CACNB4: variants seen among roughly 807,000 people sequenced by gnomAD.
CACNB4 encodes the protein voltage-dependent L-type calcium channel subunit beta-4.
A neutral mutation model predicts 71.2 loss-of-function variants in CACNB4; 32 were observed. That is an observed-to-expected ratio of 0.45 (90% CI 0.34 to 0.60). The LOEUF (loss-of-function observed/expected upper bound fraction) is 0.60, where lower values mean the gene tolerates loss of function less well. Among genes scored for constraint, CACNB4 ranks in the 20% least tolerant of loss-of-function variants. The pLI is 0.01. For synonymous variants in CACNB4, 231 were observed against 236.9 expected (o/e 0.97, Z 0.23); for missense variants, 464 against 647.9 (o/e 0.72, Z 3.08).
intron 2 of CACNB4, among the ~76,000 whole-genome samples, chr2:152,038,505 C>T (rs1338553468): frequency 1.3e-5 from 2 of 152,196 alleles, no homozygotes; most frequent in Non-Finnish European, 1.5e-5. Context: ...ACCTCAGCAC[C>T]GAGTCTGGCT....
At chr2:151,967,943 G>C (rs2099871585) in intron 2 of CACNB4, 1 of 152,134 alleles carries the variant, frequency 6.6e-6, no homozygotes, top group African/African-American at 2.4e-5. Flanking sequence ...TGTTATAAAA[G>C]AATATAAAAT....
intron 2 of CACNB4, among the ~76,000 whole-genome samples, chr2:151,953,462 T>C (rs57389630): frequency 0.026 from 3,937 of 152,304 alleles, 185 homozygotes; most frequent in African/African-American, 0.09. Context: ...AATCCTGGCT[T>C]GTCTTCTAGC....
At chr2:151,907,658 T>A (rs2099855145) in intron 2 of CACNB4, among the ~76,000 whole-genome samples, 1 of 152,236 alleles carries the variant, frequency 6.6e-6, no homozygotes, top group Admixed American at 6.5e-5. Flanking sequence ...GTGTGTTTTT[T>A]AAAATCAAAT....
intron 2 of CACNB4, among the ~76,000 whole-genome samples, chr2:151,931,505 A>T (rs1578849336): frequency 6.6e-6 from 1 of 152,344 alleles, no homozygotes; most frequent in African/African-American, 2.4e-5. Context: ...CAAAAGGAAC[A>T]TGGCAACATC....
At chr2:151,865,676 A>G (rs2099842897) in intron 9 of CACNB4, 1 of 152,196 alleles carries the variant, frequency 6.6e-6, no homozygotes, top group South Asian at 2.1e-4. Context: ...TTGTGTATCC[A>G]CTGTGTCGTC....
intron 2 of CACNB4, among the ~76,000 whole-genome samples, chr2:151,984,104 G>A (rs1030998333): frequency 2.0e-5 from 3 of 152,074 alleles, no homozygotes; most frequent in Non-Finnish European, 2.9e-5. Context: ...GAGCTCTATC[G>A]AATCATAATG....
chr2:151,869,323 T>G (rs1578542399), intron 8 of CACNB4, 88 bp from the exon 9 acceptor site: 3 of 762,170 alleles, frequency 3.9e-6, no homozygotes, highest in Non-Finnish European at 6.8e-6. Flanking sequence ...GAGGGAAGGG[T>G]ACTATGAGCC....
intron 2 of CACNB4, chr2:151,967,974 G>T (rs1051488192): frequency 2.6e-5 from 4 of 152,062 alleles, no homozygotes; most frequent in East Asian, 1.9e-4. Context: ...AGCAAGTATT[G>T]GTCTATTTAG....
chr2:151,894,899 G>A (rs1167530371), intron 2 of CACNB4, among the ~76,000 whole-genome samples: 2 of 151,908 alleles, frequency 1.3e-5, no homozygotes, highest in African/African-American at 2.4e-5. Context: ...ACAAAACACT[G>A]ATGAAAGAAA....
intron 10 of CACNB4, among the ~76,000 whole-genome samples, chr2:151,856,260 T>C (rs2099840293): frequency 6.6e-6 from 1 of 151,766 alleles, no homozygotes; most frequent in Non-Finnish European, 1.5e-5. Context: ...ACTTATTGGA[T>C]CATGCCCAAA....
chr2:152,012,881 C>T (rs750141885), intron 2 of CACNB4, among the ~76,000 whole-genome samples: 5 of 150,676 alleles, frequency 3.3e-5, no homozygotes, highest in South Asian at 2.3e-4. Flanking sequence ...CTGGCATTCA[C>T]GTTCACTCAG....
In CACNB4 at chr2:151,910,993, TCTC is replaced by T. The variant is rs201385681; in HGVS notation, c.148-27626_148-27624del. On this transcript the variant is annotated intron_variant, in intron 2 of 13. Transcript: ENST00000539935. ...ATTTCCTTAAGCAGTAGTTTGTAGT[TCTC>T]CTTGAAAAGGTTCTTCACATCCCTT... 9.8e-4 allele frequency among the ~76,000 whole-genome samples: 149 copies of T among 152,326 alleles called. 2 individuals carry two copies. In the East Asian group the frequency reaches 0.024, roughly 25 times the overall value.
chr2:151,924,073 CTTTT>C (rs59036016), intron 2 of CACNB4, among the ~76,000 whole-genome samples: 28 of 91,414 alleles, frequency 3.1e-4, no homozygotes, highest in Admixed American at 1.7e-4. Context: ...ATTCTGAAAT[CTTTT>C]TTTTTTTTTT....
intron 2 of CACNB4, among the ~76,000 whole-genome samples, chr2:152,002,849 A>G (rs1270006271): frequency 6.6e-6 from 1 of 152,270 alleles, no homozygotes; most frequent in Non-Finnish European, 1.5e-5. Context: ...ACATGCAATA[A>G]AGAGGTACTA....
At chr2:151,984,172 C>T (rs954404512) in intron 2 of CACNB4, among the ~76,000 whole-genome samples, 1 of 152,100 alleles carries the variant, frequency 6.6e-6, no homozygotes, top group African/African-American at 2.4e-5. Flanking sequence ...ATTGCTTGAA[C>T]ATGGAGCAAT....
intron 2 of CACNB4, among the ~76,000 whole-genome samples, chr2:151,926,503 CAG>C (rs912651704): frequency 1.3e-5 from 2 of 152,078 alleles, no homozygotes; most frequent in African/African-American, 4.8e-5. Context: ...CTATAAAAAG[CAG>C]AGTCTCTAAA....
chr2:151,987,067 C>T (rs1197003539), intron 2 of CACNB4, among the ~76,000 whole-genome samples: 1 of 152,104 alleles, frequency 6.6e-6, no homozygotes, highest in African/African-American at 2.4e-5. Flanking sequence ...CTCAACAAAT[C>T]CATTAGTGGG....
chr2:152,074,553 C>T (rs568042027), intron 2 of CACNB4, among the ~76,000 whole-genome samples: 2 of 151,726 alleles, frequency 1.3e-5, no homozygotes, highest in African/African-American at 4.8e-5. Context: ...ACCACCACAA[C>T]CGTCACCACT....
intron 2 of CACNB4, among the ~76,000 whole-genome samples, chr2:152,052,471 C>G (rs1685492558): frequency 6.6e-6 from 1 of 152,060 alleles, no homozygotes; most frequent in African/African-American, 2.4e-5. Flanking sequence ...TTTTCGTATT[C>G]TAAGTAGAGA....
Sources: allele counts gnomAD v4.1 joint callset (sites outside exome capture counted in the v4.1 genomes callset), GRCh38; gene constraint gnomAD v4.1.1; transcripts MANE v1.5; gene names NCBI Gene and HGNC (gene_info 2026-07-23, HGNC 2026-07-21).